PMS1: variants seen among roughly 807,000 people sequenced by gnomAD.
PMS1 encodes PMS1 homolog 1, mismatch repair system component.
Under a neutral mutation model 93.1 loss-of-function variants are expected in PMS1, and 79 were observed. The ratio of observed to expected loss-of-function variants is 0.85; its 90% CI spans 0.71 to 1.02. The LOEUF (loss-of-function observed/expected upper bound fraction) is 1.02. Among genes scored for constraint, PMS1 ranks in the 50% least tolerant of loss-of-function variants. The probability of loss-of-function intolerance (pLI) is 0.00; values close to 1 mark genes in which losing one functional copy is unlikely to be tolerated. For synonymous variants in PMS1, 335 were observed against 363.4 expected, an observed-to-expected ratio of 0.92 and a Z score of 0.89; for missense variants, 1,064 against 1,085.3, an observed-to-expected ratio of 0.98 and a Z score of 0.28.
intron 6 of PMS1, among the ~76,000 whole-genome samples, chr2:189,846,689 T>C (rs2054282480): frequency 6.6e-6 from 1 of 152,060 alleles, no homozygotes. Context: ...AACAAACAAA[T>C]GTAAAAAATA....
At chr2:189,850,990 T>C (rs1354876235) in intron 6 of PMS1, among the ~76,000 whole-genome samples, 1 of 152,184 alleles carries the variant, frequency 6.6e-6, no homozygotes, top group East Asian at 1.9e-4. Context: ...TTTTAGGAAA[T>C]TGAGGAATAC....
In PMS1 at chr2:189,854,729, G is replaced by A. The variant is rs1448031799; in HGVS notation, c.1457G>A (p.Gly486Asp). The change falls in exon 9 of 13, where the codon GGT becomes GAT. Residue 486 changes from glycine to aspartate, a missense_variant. Coordinates refer to ENST00000441310, the MANE Select transcript of PMS1 (RefSeq NM_000534.5). ...DESGENEEEA[G>D]LENSSEISAD... ...AGTGGGGAAAATGAGGAAGAAGCAG[G>A]TCTTGAAAACTCTTCGGAAATTTCT... is the stretch of plus-strand genomic sequence containing the variant. 1.2e-6 allele frequency: 2 copies of A among 1,613,928 alleles called. No homozygotes were observed. Among genetic ancestry groups the A allele is most frequent in the Admixed American group, 1.7e-5 (1 of 60,006 alleles).
At chr2:189,819,317 T>C (rs1040339937) in intron 5 of PMS1, among the ~76,000 whole-genome samples, 16 of 152,222 alleles carry the variant, frequency 1.1e-4, no homozygotes, top group African/African-American at 3.9e-4. Context: ...TCTGTATCTT[T>C]ACTATTGTGA....
At chr2:189,870,061 G>C (rs931971923) in intron 11 of PMS1, among the ~76,000 whole-genome samples, 1 of 152,072 alleles carries the variant, frequency 6.6e-6, no homozygotes, top group African/African-American at 2.4e-5. Flanking sequence ...GACTTGATTT[G>C]ATTGGAATTA....
chr2:189,808,466 T>G (rs1490168770), intron 4 of PMS1, among the ~76,000 whole-genome samples: 1 of 152,084 alleles, frequency 6.6e-6, no homozygotes, highest in Non-Finnish European at 1.5e-5. Context: ...TAGCTGGGAT[T>G]GCAGGTGTGT....
Position 189,791,800 on chromosome 2 carries a change from A to G in PMS1, c.-10A>G. 6.2e-7 allele frequency: 1 copy of G among 1,613,334 alleles called. No homozygotes were observed. The highest frequency in any genetic ancestry group is 8.5e-7 in the Non-Finnish European group (1 of 1,179,524). ...ATTTTTATCTTCTAGCTGCTCTGTT[A>G]AAAGCGAAAATGAAACAATTGCCTG... On this transcript the variant is annotated 5_prime_UTR_variant, in exon 2 of 13. Coordinates refer to ENST00000441310, the MANE Select transcript of PMS1 (RefSeq NM_000534.5).
chr2:189,853,585 G>A (rs904158438), intron 7 of PMS1, among the ~76,000 whole-genome samples: 6 of 148,958 alleles, frequency 4.0e-5, no homozygotes, highest in Non-Finnish European at 7.4e-5. Context: ...GCATGATTTC[G>A]GCTCACTGCA....
chr2:189,873,990 T>C (rs1365321051), intron 12 of PMS1, among the ~76,000 whole-genome samples: 2 of 152,090 alleles, frequency 1.3e-5, no homozygotes, highest in African/African-American at 2.4e-5. Context: ...TATATAGAGG[T>C]ATTATAGATT....
intron 5 of PMS1, among the ~76,000 whole-genome samples, chr2:189,836,984 T>C (rs1365845873): frequency 6.6e-6 from 1 of 152,218 alleles, no homozygotes; most frequent in East Asian, 1.9e-4. Context: ...TAATATAAAC[T>C]AAAATAAACA....
chr2:189,801,290 C>T (rs921373794), intron 3 of PMS1, among the ~76,000 whole-genome samples: 1 of 152,166 alleles, frequency 6.6e-6, no homozygotes, highest in Admixed American at 6.5e-5. Flanking sequence ...ATCATAACAG[C>T]AAGCATAACT....
Position 189,858,217 on chromosome 2 carries a change from T to C in PMS1, c.1856+3089T>C, listed in dbSNP as rs1191904374. 8.5e-5 allele frequency among the ~76,000 whole-genome samples: 13 copies of C among 152,100 alleles called. 1 individual carries two copies. Among genetic ancestry groups the C allele is most frequent in the Admixed American group, 8.5e-4 (13 of 15,268 alleles). On this transcript the variant is annotated intron_variant, in intron 9 of 12. Coordinates refer to ENST00000441310, the MANE Select transcript of PMS1 (RefSeq NM_000534.5). ...TGTTTTTTTCCTTCCTCGCCTTTCTTCTAGTGGATTAAAATCCAGATTTGG... is the reference window on the plus strand; with the variant it reads ...TGTTTTTTTCCTTCCTCGCCTTTCTCCTAGTGGATTAAAATCCAGATTTGG...
intron 12 of PMS1, among the ~76,000 whole-genome samples, chr2:189,875,935 G>A (rs1327879201): frequency 1.7e-5 from 2 of 120,320 alleles, no homozygotes; most frequent in Non-Finnish European, 1.6e-5. Flanking sequence ...CAGCCTGGGC[G>A]ATAGAGCTAG....
At chr2:189,794,871 A>G (rs773756579) in intron 2 of PMS1, among the ~76,000 whole-genome samples, 26 of 152,154 alleles carry the variant, frequency 1.7e-4, no homozygotes, top group Admixed American at 9.2e-4. Context: ...CTGAGGCAGG[A>G]GGATCGCTTG....
At chr2:189,858,074 A>AT (rs1248554084) in intron 9 of PMS1, among the ~76,000 whole-genome samples, 1 of 152,168 alleles carries the variant, frequency 6.6e-6, no homozygotes, top group Non-Finnish European at 1.5e-5. Flanking sequence ...AAGAGTTTGA[A>AT]TAAGGAGTAG....
Position 189,795,810 on chromosome 2 carries a change from G to T in PMS1, c.174G>T (p.Gly58=), listed in dbSNP as rs143323454. The change falls in exon 3 of 13, where the codon GGG becomes GGT. Residue 58 remains glycine, a synonymous_variant. Transcript: ENST00000441310. ...GFDKIEVRDN[G]EGIKAVDAPV... ...ATAAAATTGAGGTGCGAGATAACGG[G>T]GAGGGTATCAAGGCTGTTGATGCAC... 5,963 of 1,613,812 alleles carry T rather than the reference G, an allele frequency of 3.7e-3. 18 individuals carry two copies. Among genetic ancestry groups the T allele is most frequent in the Non-Finnish European group, 4.6e-3 (5,413 of 1,179,704 alleles).
chr2:189,870,055 TG>T (rs147094669), intron 11 of PMS1, among the ~76,000 whole-genome samples: 14,412 of 152,230 alleles, frequency 0.095, 882 homozygotes, highest in Middle Eastern at 0.15. Flanking sequence ...TAAACTGACT[TG>T]ATTTGATTGG....
At chr2:189,796,020 G>A in intron 3 of PMS1, 69 bp downstream of exon 3, 1 of 1,067,734 alleles carries the variant, frequency 9.4e-7, no homozygotes, top group South Asian at 1.3e-5. Flanking sequence ...AACTAACCCA[G>A]TATTTGGTGA....
intron 7 of PMS1, among the ~76,000 whole-genome samples, chr2:189,853,539 G>T: frequency 7.1e-6 from 1 of 141,218 alleles, no homozygotes. Flanking sequence ...TTTTTGAGAT[G>T]CAGCCTTGTT....
At chr2:189,859,802 A>T (rs1183438877) in intron 9 of PMS1, among the ~76,000 whole-genome samples, 2 of 152,082 alleles carry the variant, frequency 1.3e-5, no homozygotes, top group Non-Finnish European at 2.9e-5. Context: ...TTGTCTTTTC[A>T]TTGATGACTA....
Sources: gnomAD v4.1 joint callset for allele counts (sites outside exome capture counted in the v4.1 genomes callset) on GRCh38, gnomAD v4.1.1 for gene constraint, MANE v1.5 for transcripts, NCBI Gene and HGNC (gene_info 2026-07-23, HGNC 2026-07-21) for gene names.